The following TMC7 variants were observed in gnomAD, a reference collection of about 807,000 sequenced individuals.
TMC7 encodes the protein transmembrane channel like 7, also known as transmembrane channel-like protein 7.
A neutral mutation model predicts 82.9 loss-of-function variants in TMC7; 54 were observed. That is an observed-to-expected ratio of 0.65 (90% CI 0.52 to 0.82). TMC7 has a LOEUF of 0.82. Ranked by LOEUF, TMC7 falls within the 40% of genes least tolerant of loss-of-function variation. The pLI is 0.00. For synonymous variants in TMC7, 350 were observed against 337.9 expected, an observed-to-expected ratio of 1.04 and a Z score of -0.39; for missense variants, 820 against 901.2, an observed-to-expected ratio of 0.91 and a Z score of 1.15.
chr16:19,020,634 G>A (rs543116726), intron 3 of TMC7, among the ~76,000 whole-genome samples: 1 of 152,026 alleles, frequency 6.6e-6, no homozygotes, highest in Admixed American at 6.6e-5. Flanking sequence ...TTGGGAGGCT[G>A]AGGCAGGTGG....
intron 1 of TMC7, among the ~76,000 whole-genome samples, chr16:19,003,387 C>A (rs2039175344): frequency 6.6e-6 from 1 of 150,490 alleles, no homozygotes; most frequent in Admixed American, 6.6e-5. Context: ...CGGCCAGCCG[C>A]CCCGTCCGGG....
intron 1 of TMC7, among the ~76,000 whole-genome samples, chr16:18,995,305 G>A (rs959025524): frequency 2.6e-5 from 4 of 152,078 alleles, no homozygotes; most frequent in African/African-American, 9.7e-5. Context: ...ATTAAGAAGG[G>A]GACAGACTTA....
intron 4 of TMC7, among the ~76,000 whole-genome samples, chr16:19,022,621 T>G (rs1960030863): frequency 6.6e-6 from 1 of 152,232 alleles, no homozygotes; most frequent in South Asian, 2.1e-4. Flanking sequence ...TTTGCGTAAG[T>G]CCACTCCGTG....
At chr16:19,037,827 T>C in intron 7 of TMC7, 47 bp from the exon 8 acceptor site, 1 of 1,560,548 alleles carries the variant, frequency 6.4e-7, no homozygotes. Context: ...TATCCCTGAG[T>C]ATCCCTTCAT....
chr16:19,059,490 C>G lies in TMC7; in HGVS notation c.2102C>G (p.Ser701Cys), dbSNP rs1961910702. Reference protein sequence around the residue: ...RVVIQLREQLSLESRDKCYLI... With the variant: ...RVVIQLREQLCLESRDKCYLI... ...GTCATCCAGCTCCGAGAGCAGCTAT[C>G]CCTGGTAAGGAAGCATAGCTCCAGA... Residue 701 changes from serine (S) to cysteine (C), a missense_variant, in exon 15 of 16, where the codon TCC becomes TGC. By Grantham distance (112) the Ser-to-Cys change is moderately radical (BLOSUM62 -1). This residue lies in a region of TMC7 where 170 missense variants were observed against 231.3 expected (regional missense o/e 0.74). Transcript: ENST00000304381. 1.2e-6 allele frequency: 2 copies of G among 1,614,138 alleles called. No homozygotes were observed. The highest frequency in any genetic ancestry group is 1.7e-5 in the Admixed American group (1 of 60,006).
At chr16:19,044,240 G>A (rs892150744) in intron 9 of TMC7, among the ~76,000 whole-genome samples, 5 of 152,146 alleles carry the variant, frequency 3.3e-5, no homozygotes, top group African/African-American at 4.8e-5. Flanking sequence ...CTGAATCTCC[G>A]CTCACTGCAG....
intron 1 of TMC7, among the ~76,000 whole-genome samples, chr16:19,000,684 A>T (rs1200030298): frequency 6.6e-6 from 1 of 152,188 alleles, no homozygotes; most frequent in Non-Finnish European, 1.5e-5. Flanking sequence ...TATATGGTCA[A>T]CATCCCAGTC....
chr16:18,998,052 A>G (rs1433559957), intron 1 of TMC7, among the ~76,000 whole-genome samples: 1 of 151,938 alleles, frequency 6.6e-6, no homozygotes, highest in Non-Finnish European at 1.5e-5. Flanking sequence ...TTTGTAATTC[A>G]ACCTTTAGTA....
intron 1 of TMC7, among the ~76,000 whole-genome samples, chr16:18,999,939 A>ATTTTTAGTAGAGACGGGGT (rs1341638831): frequency 2.0e-5 from 3 of 151,646 alleles, no homozygotes; most frequent in Non-Finnish European, 4.4e-5. Context: ...AATTATTTGT[A>ATTTTTAGTAGAGACGGGGT]TTTTTAGTAG....
At chr16:19,032,661 T>C (rs1408959683) in intron 6 of TMC7, among the ~76,000 whole-genome samples, 1 of 152,052 alleles carries the variant, frequency 6.6e-6, no homozygotes, top group African/African-American at 2.4e-5. Context: ...CGAGTCTTGC[T>C]CTGTCACCTA....
At chr16:19,048,331 G>A (rs1961381528) in intron 12 of TMC7, among the ~76,000 whole-genome samples, 1 of 152,078 alleles carries the variant, frequency 6.6e-6, no homozygotes, top group Non-Finnish European at 1.5e-5. Context: ...GCGGTTCACA[G>A]TCCATTGCAC....
At chr16:18,989,098 T>TGGACGTCTTTCA (rs1282770180) in intron 1 of TMC7, among the ~76,000 whole-genome samples, 1 of 152,176 alleles carries the variant, frequency 6.6e-6, no homozygotes, top group African/African-American at 2.4e-5. Flanking sequence ...AACTATTCTT[T>TGGACGTCTTTCA]GGACGTCTTT....
intron 3 of TMC7, among the ~76,000 whole-genome samples, chr16:19,017,949 C>G (rs183032410): frequency 6.6e-6 from 1 of 152,014 alleles, no homozygotes; most frequent in Admixed American, 6.6e-5. Context: ...GGATTACAGG[C>G]GTGAGCCACC....
intron 8 of TMC7, among the ~76,000 whole-genome samples, chr16:19,039,108 T>G (rs1294794934): frequency 6.7e-6 from 1 of 149,922 alleles, no homozygotes; most frequent in Non-Finnish European, 1.5e-5. Flanking sequence ...TTTTTTTTTT[T>G]GAGACAGAGT....
intron 15 of TMC7, 186 bp downstream of exon 15, chr16:19,059,680 CAAGATGTGTATT>C (rs1334501044): frequency 6.5e-7 from 1 of 1,536,580 alleles, no homozygotes; most frequent in Admixed American, 2.0e-5. Context: ...TCCATTCCTT[CAAGATGTGTATT>C]AAGGGGGATG....
At chr16:19,049,926 T>C (rs561571636) in intron 12 of TMC7, among the ~76,000 whole-genome samples, 1 of 152,198 alleles carries the variant, frequency 6.6e-6, no homozygotes, top group Non-Finnish European at 1.5e-5. Flanking sequence ...CTTCAAGTCT[T>C]TCTTCCCTCA....
At position 19,016,481 on chromosome 16, in the gene TMC7, T is replaced by A; in HGVS notation, c.343T>A (p.Ser115Thr). 6.2e-7 allele frequency: 1 copy of A among 1,614,214 alleles called. No individual in the cohort carries two copies. The highest frequency in any genetic ancestry group is 8.5e-7 in the Non-Finnish European group (1 of 1,180,032). Residue 115 changes from serine (S) to threonine (T), a missense_variant, in exon 3 of 16, where the codon TCC becomes ACC. Physicochemically the swap from Ser to Thr is moderately conservative, Grantham distance 58. Transcript: ENST00000304381. ...TCAAGAGACACAAATGAAGTATCTCTCCGAATGGGACCAGTGGAAGCGGTA... is the reference window on the plus strand; with the variant it reads ...TCAAGAGACACAAATGAAGTATCTCACCGAATGGGACCAGTGGAAGCGGTA... ...DIQETQMKYLSEWDQWKRYSS... is the reference protein window; with the variant it reads ...DIQETQMKYLTEWDQWKRYSS...
chr16:19,008,251 A>G (rs1395548346), intron 1 of TMC7, among the ~76,000 whole-genome samples: 2 of 152,140 alleles, frequency 1.3e-5, no homozygotes, highest in African/African-American at 2.4e-5. Flanking sequence ...CTTCAGCAGA[A>G]AGCCCGCCTG....
At chr16:18,998,203 A>G (rs368825904) in intron 1 of TMC7, among the ~76,000 whole-genome samples, 39 of 152,216 alleles carry the variant, frequency 2.6e-4, no homozygotes, top group African/African-American at 9.4e-4. Context: ...CACATTACAT[A>G]TGATTGCCAT....
Sources: gnomAD v4.1 joint callset for allele counts (sites outside exome capture counted in the v4.1 genomes callset) on GRCh38, gnomAD v4.1.1 for gene constraint, gnomAD v4.1.1 regional missense constraint, MANE v1.5 for transcripts, NCBI Gene and HGNC (gene_info 2026-07-23, HGNC 2026-07-21) for gene names.